The following MUC5B variants were observed in gnomAD, a reference collection of about 807,000 sequenced individuals.
MUC5B encodes mucin 5B, oligomeric mucus/gel-forming, also known as mucin-5B.
A neutral mutation model predicts 376.9 loss-of-function variants in MUC5B; 116 were observed. That is an observed-to-expected ratio of 0.31 (90% CI 0.26 to 0.36). The LOEUF (loss-of-function observed/expected upper bound fraction) is 0.36, where lower values mean the gene tolerates loss of function less well. Among genes scored for constraint, MUC5B ranks in the 10% least tolerant of loss-of-function variants. The pLI, the probability that MUC5B is intolerant of heterozygous loss-of-function variation, is 1.00. For synonymous variants in MUC5B, 3,517 were observed against 3,390.9 expected (o/e 1.04, Z -1.29); for missense variants, 7,165 against 7,769.9 (o/e 0.92, Z 2.93).
At position 1,240,886 on chromosome 11, in the gene MUC5B, G is replaced by C. The variant is rs762413302; in HGVS notation, c.4006G>C (p.Glu1336Gln). The C allele has an allele frequency of 5.0e-6, 8 of 1,612,124 alleles. No individual in the cohort carries two copies. Among genetic ancestry groups the C allele is most frequent in the Non-Finnish European group, 6.8e-6 (8 of 1,179,696 alleles). ...CCCGGTCTCCACCGTGTGTGTCCGC[G>C]AGGTCTGCCGCTGGTCCAGCTGGTA... is the stretch of plus-strand genomic sequence containing the variant. ...ALPVSTVCVR[E>Q]VCRWSSWYNG... Residue 1336 changes from glutamate (E) to glutamine (Q), a missense_variant, in exon 31 of 49, where the codon GAG becomes CAG. Glu to Gln is a conservative substitution (Grantham distance 29, BLOSUM62 2). Transcript: ENST00000529681.
rs2133845074 is a variant in MUC5B, at chr11:1,251,561, T to C, written c.14681T>C (p.Val4894Ala). 6.2e-7 allele frequency: 1 copy of C among 1,611,534 alleles called. No homozygotes were observed. The highest frequency in any genetic ancestry group is 8.5e-7 in the Non-Finnish European group (1 of 1,179,004). ...ATMPTATAST[V>A]PSSSTVGTTR... ...ATGCCCACAGCCACTGCCTCCACGG[T>C]TCCCAGCTCGTCCACCGTGGGGACC... Residue 4894 changes from valine to alanine, a missense_variant, in exon 31 of 49, where the codon GTT (valine) becomes GCT (alanine). Physicochemically the swap from Val to Ala is moderately conservative, Grantham distance 64 (BLOSUM62 0). This residue lies in a region of MUC5B where 730 missense variants were observed against 592.7 expected (regional missense o/e 1.23). Coordinates refer to ENST00000529681, the MANE Select transcript of MUC5B (RefSeq NM_002458.3).
rs1170370728 is a variant in MUC5B, at chr11:1,248,295, C to T, written c.11415C>T (p.Thr3805=). The change falls in exon 31 of 49, where the codon ACC becomes ACT. Residue 3805 remains threonine, a synonymous_variant. Transcript: ENST00000529681. ...TAIPSSSLGT[T]WTRLSQTTTP... is the part of the protein sequence containing the mutation. ...TCCCCTCCTCCTCCCTGGGCACCAC[C>T]TGGACCCGCCTATCACAGACCACCA... 6.4e-7 allele frequency: 1 copy of T among 1,572,524 alleles called. No homozygotes were observed. Among genetic ancestry groups the T allele is most frequent in the East Asian group, 2.2e-5 (1 of 44,808 alleles).
rs183426160 is a variant in MUC5B at position 1,258,067 on chromosome 11, G to A, written c.16451-32G>A. 4.9e-4 allele frequency: 758 copies of A among 1,538,012 alleles called. 2 individuals carry two copies. In the Middle Eastern group the frequency reaches 0.014, roughly 28 times the overall value. ...AAGTGGTCGGGAGGAGGAGTGAGCA[G>A]CGCCCAGACAGTGGCCTCCATCCTC... On this transcript the variant is annotated intron_variant, in intron 41 of 48. Transcript: ENST00000529681. This position sits in a 1 kb window ranked among gnomAD's most constrained non-coding sequence, Gnocchi z 5.5.
chr11:1,258,669 G>A lies in MUC5B; in HGVS notation c.16594-273G>A, dbSNP rs912165152. Reference sequence around the variant, plus strand: ...TGCCCGCCCAGATTCCTACCCGCCCGGATTCCTGCCTGCCAGATTCCTGCC... The same window carrying A: ...TGCCCGCCCAGATTCCTACCCGCCCAGATTCCTGCCTGCCAGATTCCTGCC... On this transcript the variant is annotated intron_variant, in intron 43 of 48. Transcript: ENST00000529681. This position sits in a 1 kb window ranked among gnomAD's most constrained non-coding sequence, Gnocchi z 5.5. Among the ~76,000 whole-genome samples the A allele has an allele frequency of 2.0e-5, 3 of 152,010 alleles. No homozygotes were observed. Among genetic ancestry groups the A allele is most frequent in the Non-Finnish European group, 2.9e-5 (2 of 67,958 alleles).
Position 1,241,659 on chromosome 11 carries a change from C to T in MUC5B, c.4779C>T (p.Ile1593=), listed in dbSNP as rs779568187. The change falls in exon 31 of 49, where the codon ATC becomes ATT. Residue 1593 remains isoleucine, a synonymous_variant. Transcript: ENST00000529681. ...GVFKMCYNYR[I]RVLCCSDDHC... is the part of the protein sequence containing the mutation. ...TCAAGATGTGCTACAACTACAGGATCCGGGTCCTCTGCTGCAGTGACGACC... is the reference window on the plus strand; with the variant it reads ...TCAAGATGTGCTACAACTACAGGATTCGGGTCCTCTGCTGCAGTGACGACC... 1 of 1,612,448 alleles carries T rather than the reference C, an allele frequency of 6.2e-7. No individual in the cohort carries two copies. Among genetic ancestry groups the T allele is most frequent in the South Asian group, 1.1e-5 (1 of 90,974 alleles).
At chr11:1,227,831 CA>C (rs1861923266) in intron 7 of MUC5B, 50 bp downstream of exon 7, 3 of 681,278 alleles carry the variant, frequency 4.4e-6, no homozygotes, top group African/African-American at 1.8e-5. Context: ...CCTCCAGGTC[CA>C]GGGGGAGCTG....
At position 1,247,932 on chromosome 11, in the gene MUC5B, C is replaced by T. The variant is rs1479565033; in HGVS notation, c.11052C>T (p.Ser3684=). The T allele has an allele frequency of 6.2e-7, 1 of 1,611,434 alleles. No homozygotes were observed. The highest frequency in any genetic ancestry group is 1.1e-5 in the South Asian group (1 of 91,036). The part of the protein sequence containing the change: ...TPATSSTATP[S]STPGTTWILT... ...CCACCAGCTCTACGGCCACGCCCTC[C>T]TCAACTCCGGGGACGACCTGGATCC... Residue 3684 remains serine, a synonymous_variant, in exon 31 of 49, where the codon TCC becomes TCT. Coordinates refer to ENST00000529681, the MANE Select transcript of MUC5B (RefSeq NM_002458.3).
At position 1,230,519 on chromosome 11, in the gene MUC5B, G is replaced by C; in HGVS notation, c.1389G>C (p.Leu463=). The C allele has an allele frequency of 6.2e-7, 1 of 1,611,012 alleles. No individual in the cohort carries two copies. The change falls in exon 12 of 49, where the codon CTG becomes CTC. Residue 463 remains leucine (L), a synonymous_variant. Transcript: ENST00000529681. ...GTGCCGACAGCAGCTTCACCGTGCTGGCTGAGCTGCGGAAGTGCGGCCTGA... is the reference window on the plus strand; with the variant it reads ...GTGCCGACAGCAGCTTCACCGTGCTCGCTGAGCTGCGGAAGTGCGGCCTGA... ...KKCADSSFTV[L]AELRKCGLTD... is the part of the protein sequence containing the mutation.
chr11:1,251,548 A>G lies in MUC5B; in HGVS notation c.14668A>G (p.Thr4890Ala). ...VTTMATMPTA[T>A]ASTVPSSSTV... ...CACCATGGCCACTATGCCCACAGCC[A>G]CTGCCTCCACGGTTCCCAGCTCGTC... is the stretch of plus-strand genomic sequence containing the variant. Residue 4890 changes from threonine to alanine, a missense_variant, in exon 31 of 49, where the codon ACT becomes GCT. Coordinates refer to ENST00000529681, the MANE Select transcript of MUC5B (RefSeq NM_002458.3). 2.5e-6 allele frequency: 4 copies of G among 1,612,980 alleles called. No individual in the cohort carries two copies. Among genetic ancestry groups the G allele is most frequent in the Non-Finnish European group, 2.5e-6 (3 of 1,179,790 alleles).
Position 1,253,073 on chromosome 11 carries a change from CA to C in MUC5B, c.15217+94del. The C allele has an allele frequency of 8.1e-7, 1 of 1,233,138 alleles. No homozygotes were observed. The highest frequency in any genetic ancestry group is 1.1e-6 in the Non-Finnish European group (1 of 911,820). 76.4% of individuals were successfully genotyped at this position (1,233,138 alleles called of 1,614,324 possible). Reference sequence around the variant, plus strand: ...TGGCAGAATGGGGCATGGTGGGGCACAGTGGGGTGCAGTGGGGAATGGTGGG... The same window carrying C: ...TGGCAGAATGGGGCATGGTGGGGCACGTGGGGTGCAGTGGGGAATGGTGGG... On this transcript the variant is annotated intron_variant, in intron 33 of 48. Coordinates refer to ENST00000529681, the MANE Select transcript of MUC5B (RefSeq NM_002458.3). This position sits in a 1 kb window ranked among gnomAD's most constrained non-coding sequence, Gnocchi z 4.3.
chr11:1,259,129 A>T, intron 44 of MUC5B, 68 bp downstream of exon 44: 1 of 1,393,814 alleles, frequency 7.2e-7, no homozygotes, highest in Non-Finnish European at 9.6e-7. Context: ...GACCCGAGGC[A>T]CCTGCCCCCA....
rs1862610248 is a variant in MUC5B, at chr11:1,249,653, C to G, written c.12773C>G (p.Thr4258Ser). ...CTCACAGAGCTGACCACAACAGCCACTACGACTGCATCCACTGGATCCACG... is the reference window on the plus strand; with the variant it reads ...CTCACAGAGCTGACCACAACAGCCAGTACGACTGCATCCACTGGATCCACG... ...WILTELTTTATTTASTGSTAT... is the reference protein window; with the variant it reads ...WILTELTTTASTTASTGSTAT... Residue 4258 changes from threonine (T) to serine (S), a missense_variant, in exon 31 of 49, where the codon ACT becomes AGT. Physicochemically the swap from Thr to Ser is moderately conservative, Grantham distance 58 (BLOSUM62 1). Coordinates refer to ENST00000529681, the MANE Select transcript of MUC5B (RefSeq NM_002458.3). 1.2e-6 allele frequency: 2 copies of G among 1,611,596 alleles called. No homozygotes were observed. Among genetic ancestry groups the G allele is most frequent in the African/African-American group, 2.7e-5 (2 of 74,670 alleles).
Position 1,234,699 on chromosome 11 carries a change from G to A in MUC5B, c.2630+19G>A, listed in dbSNP as rs1485165796. On this transcript the variant is annotated intron_variant, in intron 21 of 48. Coordinates refer to ENST00000529681, the MANE Select transcript of MUC5B (RefSeq NM_002458.3). This position sits in a 1 kb window ranked among gnomAD's most constrained non-coding sequence, Gnocchi z 6.3. ...ACACCTGGTGGGTCGTGAGTCTCTC[G>A]GAGGCAGCAGGTGGGGAGGGCGGGG... is the stretch of plus-strand genomic sequence containing the variant. The A allele has an allele frequency of 1.4e-5, 21 of 1,468,410 alleles. No individual in the cohort carries two copies. Among genetic ancestry groups the A allele is most frequent in the Admixed American group, 4.6e-5 (2 of 43,850 alleles). The allele number at this position is 1,468,410 out of a possible 1,614,324, so 91.0% of individuals were successfully genotyped here.
chr11:1,251,804 T>G (rs959781888), intron 31 of MUC5B, 61 bp downstream of exon 31: 2 of 1,236,416 alleles, frequency 1.6e-6, no homozygotes, highest in Admixed American at 4.2e-5. Flanking sequence ...AACCTGGGTC[T>G]GCCTGTCCTG....
chr11:1,255,037 C>A lies in MUC5B; in HGVS notation c.15665-4C>A. On this transcript the variant is annotated splice_region_variant and splice_polypyrimidine_tract_variant and intron_variant, in intron 35 of 48. Transcript: ENST00000529681. ...CAGCCCCGCGGTGACGCCCCCACTC[C>A]CAGGCACCTGCACCAACAACCAGAG... 1 of 1,584,022 alleles carries A rather than the reference C, an allele frequency of 6.3e-7. No homozygotes were observed. The highest frequency in any genetic ancestry group is 1.7e-4 in the Middle Eastern group (1 of 6,008).
In MUC5B at chr11:1,233,225, G is replaced by A. The variant is rs1245730858; in HGVS notation, c.2278G>A (p.Val760Met). 9 of 1,594,834 alleles carry A rather than the reference G, an allele frequency of 5.6e-6. No homozygotes were observed. The highest frequency in any genetic ancestry group is 1.7e-4 in the Middle Eastern group (1 of 6,060). Residue 760 changes from valine to methionine, a missense_variant, in exon 18 of 49, where the codon GTG (valine) becomes ATG (methionine). By Grantham distance (21) the Val-to-Met change is conservative. This residue lies in a region of MUC5B where 530 missense variants were observed against 604.0 expected (regional missense o/e 0.88). Transcript: ENST00000529681. ...QECPCYAHGT[V>M]LAPGEVVHDE... Reference sequence around the variant, plus strand: ...GTGCCCCTGCTACGCTCACGGCACCGTGCTGGCTCCTGGAGAGGTGGTGCA... The same window carrying A: ...GTGCCCCTGCTACGCTCACGGCACCATGCTGGCTCCTGGAGAGGTGGTGCA...
At chr11:1,223,732 G>A (rs1861811980) in intron 1 of MUC5B, among the ~76,000 whole-genome samples, 1 of 152,254 alleles carries the variant, frequency 6.6e-6, no homozygotes. Flanking sequence ...CGGCCCATCT[G>A]TGGGCATCTC....
Position 1,257,136 on chromosome 11 carries a change from C to A in MUC5B, c.16238-104C>A. The stretch of plus-strand genomic sequence containing the variant: ...CAAAAGTTCTCCAGGGCCTTCCATC[C>A]CGGGGGGAAGCAGGCTCCAGGCCTG... On this transcript the variant is annotated intron_variant, in intron 39 of 48. Coordinates refer to ENST00000529681, the MANE Select transcript of MUC5B (RefSeq NM_002458.3). This position sits in a 1 kb window ranked among gnomAD's most constrained non-coding sequence, Gnocchi z 8.9. The A allele has an allele frequency of 7.9e-6, 6 of 755,402 alleles. No individual in the cohort carries two copies. In the South Asian group the frequency reaches 8.4e-5, roughly 11 times the overall value. 46.8% of individuals were successfully genotyped at this position (755,402 alleles called of 1,614,324 possible).
At position 1,234,289 on chromosome 11, in the gene MUC5B, C is replaced by T. The variant is rs772776376; in HGVS notation, c.2462C>T (p.Thr821Met). ...PGAECLRSCHTLDVGCFSTHC... is the reference protein window; with the variant it reads ...PGAECLRSCHMLDVGCFSTHC... ...GCCGAGTGCCTCCGGAGCTGCCACA[C>T]GCTGGACGTGGGCTGTGTGAGTTCC... Residue 821 changes from threonine (T) to methionine (M), a missense_variant, in exon 20 of 49, where the codon ACG becomes ATG. Thr to Met is a moderately conservative substitution (Grantham distance 81, BLOSUM62 -1). Coordinates refer to ENST00000529681, the MANE Select transcript of MUC5B (RefSeq NM_002458.3). This position sits in a 1 kb window ranked among gnomAD's most constrained non-coding sequence, Gnocchi z 6.3. The T allele has an allele frequency of 9.4e-6, 15 of 1,602,228 alleles. No homozygotes were observed. Among genetic ancestry groups the T allele is most frequent in the Admixed American group, 6.8e-5 (4 of 59,168 alleles).
Sources: gnomAD v4.1 joint callset for allele counts (sites outside exome capture counted in the v4.1 genomes callset) on GRCh38, gnomAD v4.1.1 for gene constraint, gnomAD v4.1.1 regional missense constraint, Gnocchi (gnomAD v3.1) non-coding constraint, MANE v1.5 for transcripts, NCBI Gene and HGNC (gene_info 2026-07-23, HGNC 2026-07-21) for gene names.